PCDH15: variants seen among roughly 807,000 people sequenced by gnomAD.
The protein encoded by PCDH15 is protocadherin related 15.
A neutral mutation model predicts 178.5 loss-of-function variants in PCDH15; 129 were observed. The observed-to-expected ratio is 0.72, with a 90% confidence interval of 0.63 to 0.84. The LOEUF (loss-of-function observed/expected upper bound fraction) is 0.84, where lower values mean the gene tolerates loss of function less well. Among genes scored for constraint, PCDH15 ranks in the 40% least tolerant of loss-of-function variants. PCDH15 has a pLI of 0.00. For synonymous variants in PCDH15, 800 were observed against 732.0 expected, an observed-to-expected ratio of 1.09 and a Z score of -1.50; for missense variants, 2,230 against 2,099.9, an observed-to-expected ratio of 1.06 and a Z score of -1.21.
At chr10:55,516,534 T>C (rs1200243240) in intron 2 of PCDH15, among the ~76,000 whole-genome samples, 3 of 152,190 alleles carry the variant, frequency 2.0e-5, no homozygotes, top group African/African-American at 7.2e-5. Flanking sequence ...AATAGCAATG[T>C]CTGCCTGATT....
intron 18 of PCDH15, among the ~76,000 whole-genome samples, chr10:54,054,979 C>T (rs757153428): frequency 5.9e-5 from 9 of 152,128 alleles, no homozygotes; most frequent in Non-Finnish European, 8.8e-5. Flanking sequence ...TAAGAAATCA[C>T]CATAATGCTC....
At chr10:53,943,497 C>CAA (rs1299762324) in intron 23 of PCDH15, among the ~76,000 whole-genome samples, 6 of 147,462 alleles carry the variant, frequency 4.1e-5, no homozygotes, top group African/African-American at 1.3e-4. Context: ...AACAAACAAA[C>CAA]AAACAAAAAA....
intron 3 of PCDH15, among the ~76,000 whole-genome samples, chr10:54,812,390 C>A (rs548855013): frequency 6.6e-6 from 1 of 152,010 alleles, no homozygotes; most frequent in East Asian, 1.9e-4. Context: ...CCTGCCTCAG[C>A]CTCCCAAGTA....
At chr10:55,013,055 C>T (rs1351819738) in intron 2 of PCDH15, among the ~76,000 whole-genome samples, 1 of 152,192 alleles carries the variant, frequency 6.6e-6, no homozygotes, top group East Asian at 1.9e-4. Flanking sequence ...GGATACTATG[C>T]GTTTATTGCC....
Position 54,084,590 on chromosome 10 carries a change from A to G in PCDH15, c.1998-5166T>C, listed in dbSNP as rs75757266. ...TTGAGACTAGCCTGGGCAACAGAGT[A>G]ATACCCAGTCTTAAGAAAATTCAAT... is the stretch of plus-strand genomic sequence containing the variant. On this transcript the variant is annotated intron_variant, in intron 16 of 37. Coordinates refer to ENST00000644397, the MANE Select transcript of PCDH15 (RefSeq NM_001384140.1). 2.4e-3 allele frequency among the ~76,000 whole-genome samples: 367 copies of G among 152,280 alleles called. 2 individuals are homozygous for G. Among genetic ancestry groups the G allele is most frequent in the African/African-American group, 8.6e-3 (357 of 41,574 alleles).
intron 2 of PCDH15, among the ~76,000 whole-genome samples, chr10:55,062,170 G>A (rs1841450031): frequency 6.6e-6 from 1 of 152,214 alleles, no homozygotes; most frequent in Non-Finnish European, 1.5e-5. Context: ...GTTTTGGGAA[G>A]TGATCAGGTC....
At chr10:55,594,331 T>G (rs551143302) in intron 2 of PCDH15, among the ~76,000 whole-genome samples, 1 of 151,940 alleles carries the variant, frequency 6.6e-6, no homozygotes, top group Non-Finnish European at 1.5e-5. Context: ...AGTTGTTTGA[T>G]GCAAATAAAT....
At chr10:55,570,667 G>T (rs1842392203) in intron 2 of PCDH15, among the ~76,000 whole-genome samples, 1 of 151,902 alleles carries the variant, frequency 6.6e-6, no homozygotes, top group Non-Finnish European at 1.5e-5. Flanking sequence ...TGAATGCAGT[G>T]ATTTATACTA....
intron 5 of PCDH15, 135 bp downstream of exon 5, chr10:54,368,985 T>C: frequency 2.0e-6 from 2 of 985,156 alleles, no homozygotes; most frequent in Non-Finnish European, 3.1e-6. Context: ...CTGAGTACTA[T>C]TTTTTTAATG....
At chr10:55,320,634 C>T (rs1327819668), upstream of PCDH15, among the ~76,000 whole-genome samples, 1 of 152,094 alleles carries the variant, frequency 6.6e-6, no homozygotes, top group East Asian at 1.9e-4. Flanking sequence ...AAGCCAGGGG[C>T]CTGATGCCAC....
chr10:54,882,142 A>G (rs1954275413), intron 3 of PCDH15, among the ~76,000 whole-genome samples: 1 of 152,132 alleles, frequency 6.6e-6, no homozygotes, highest in African/African-American at 2.4e-5. Flanking sequence ...GCTTAAAAAT[A>G]ATAAGAAAAG....
intron 3 of PCDH15, among the ~76,000 whole-genome samples, chr10:54,859,119 C>T (rs1052656533): frequency 1.3e-5 from 2 of 152,024 alleles, no homozygotes; most frequent in Admixed American, 6.6e-5. Context: ...GAATTCATAT[C>T]ACCACATTTG....
intron 2 of PCDH15, among the ~76,000 whole-genome samples, chr10:54,614,798 C>T (rs1186850564): frequency 1.3e-5 from 2 of 151,964 alleles, no homozygotes; most frequent in African/African-American, 4.8e-5. Flanking sequence ...ATCAAAGAGT[C>T]TGCCTTTTCA....
Position 54,869,200 on chromosome 10 carries a change from A to G in PCDH15, c.-29+28250T>C, listed in dbSNP as rs1420788236. 2.6e-5 allele frequency: 4 copies of G among 152,210 alleles called. No homozygotes were observed. In the South Asian group the frequency reaches 6.2e-4, roughly 24 times the overall value. 9.4% of individuals were successfully genotyped at this position (152,210 alleles called of 1,614,324 possible). On this transcript the variant is annotated intron_variant, in intron 3 of 5. Transcript: ENST00000458638. ...TGACACAGAGACACAGGGGAATGCC[A>G]TGTGACAAAGAAGGCAGGGATTGGA...
At chr10:54,239,541 A>G (rs2055019323) in intron 8 of PCDH15, among the ~76,000 whole-genome samples, 1 of 151,880 alleles carries the variant, frequency 6.6e-6, no homozygotes, top group Admixed American at 6.6e-5. Context: ...CATGGAAGTG[A>G]GGGTAGATGG....
intron 2 of PCDH15, among the ~76,000 whole-genome samples, chr10:55,621,564 A>G (rs1837388330): frequency 2.6e-5 from 4 of 152,212 alleles, no homozygotes; most frequent in African/African-American, 9.6e-5. Context: ...AGATTCACAT[A>G]GGACCAGGAA....
intron 13 of PCDH15, among the ~76,000 whole-genome samples, chr10:54,161,927 G>T (rs1224372715): frequency 1.3e-5 from 2 of 151,918 alleles, no homozygotes; most frequent in Non-Finnish European, 2.9e-5. Context: ...TTCTTCTCTG[G>T]CAATATTTGT....
intron 2 of PCDH15, among the ~76,000 whole-genome samples, chr10:55,426,868 C>T (rs1838770397): frequency 6.6e-6 from 1 of 152,160 alleles, no homozygotes; most frequent in Admixed American, 6.5e-5. Flanking sequence ...CAAGCTCTCC[C>T]TCTGAAGTCA....
At position 53,866,780 on chromosome 10, in the gene PCDH15, TTCTTTTCCC is replaced by T. The variant is rs1290079989; in HGVS notation, c.3570_3578del (p.Lys1192_Gly1194del). On this transcript the variant is annotated inframe_deletion, in exon 27 of 38. Transcript: ENST00000644397. ...CTGTATATGTTTCCACTACAAATCC[TTCTTTTCCC>T]TCTTTAATTGGTGGTATTATGAGTC... 7 of 1,613,540 alleles carry T rather than the reference TTCTTTTCCC, an allele frequency of 4.3e-6. No individual in the cohort carries two copies. The highest frequency in any genetic ancestry group is 1.3e-5 in the African/African-American group (1 of 75,020).
Sources: allele counts gnomAD v4.1 joint callset (sites outside exome capture counted in the v4.1 genomes callset), GRCh38; gene constraint gnomAD v4.1.1; transcripts MANE v1.5; gene names NCBI Gene and HGNC (gene_info 2026-07-23, HGNC 2026-07-21).